Variants in DCDC2 observed in about 807,000 individuals in gnomAD.
DCDC2 encodes doublecortin domain containing 2.
In DCDC2, 40 loss-of-function variants were observed where a neutral mutation model predicts 50.2. That is an observed-to-expected ratio of 0.80 (90% CI 0.62 to 1.04). The LOEUF (loss-of-function observed/expected upper bound fraction) is 1.04, where lower values mean the gene tolerates loss of function less well. DCDC2 is among the 50% of genes least tolerant of loss of function. DCDC2 has a pLI of 0.00. For missense variants in DCDC2, 570 were observed against 581.9 expected (o/e 0.98, Z 0.21); for synonymous variants, 234 against 210.6 (o/e 1.11, Z -0.96).
intron 6 of DCDC2, among the ~76,000 whole-genome samples, chr6:24,279,915 G>A (rs186333045): frequency 5.6e-4 from 86 of 152,298 alleles, no homozygotes; most frequent in African/African-American, 1.7e-3. Context: ...TATGGTGTTT[G>A]TTTAATAAGT....
Position 24,224,040 on chromosome 6 carries a change from G to A in DCDC2, c.923-18938C>T, listed in dbSNP as rs1044149533. On this transcript the variant is annotated intron_variant, in intron 7 of 9. Coordinates refer to ENST00000378454, the MANE Select transcript of DCDC2 (RefSeq NM_016356.5). ...GATCAACTGCAGATGCCCACCAGGC[G>A]CACAGATTCCCGCCAACCCTCTCAA... Among the ~76,000 whole-genome samples the A allele has an allele frequency of 9.2e-5, 14 of 151,908 alleles. 1 individual carries two copies. Among genetic ancestry groups the A allele is most frequent in the East Asian group, 1.9e-4 (1 of 5,178 alleles).
chr6:24,250,196 C>G (rs1302524824), intron 7 of DCDC2, among the ~76,000 whole-genome samples: 1 of 152,138 alleles, frequency 6.6e-6, no homozygotes, highest in Non-Finnish European at 1.5e-5. Flanking sequence ...GCAAGAGCCT[C>G]CAGGCAAGTT....
chr6:24,276,216 T>C (rs1763354454), intron 7 of DCDC2, among the ~76,000 whole-genome samples: 1 of 152,286 alleles, frequency 6.6e-6, no homozygotes, highest in South Asian at 2.1e-4. Flanking sequence ...ACAAGGGATA[T>C]GTTAATACAG....
intron 2 of DCDC2, among the ~76,000 whole-genome samples, chr6:24,319,250 A>G (rs10456304): frequency 0.17 from 25,009 of 149,146 alleles, 2,146 homozygotes; most frequent in South Asian, 0.23. Flanking sequence ...ATGACTATGC[A>G]TGAATTTTTC....
chr6:24,189,350 G>A (rs1262940454), intron 8 of DCDC2, among the ~76,000 whole-genome samples: 1 of 152,030 alleles, frequency 6.6e-6, no homozygotes, highest in Non-Finnish European at 1.5e-5. Flanking sequence ...GAAAGAAGAT[G>A]GAATATGAAA....
chr6:24,213,091 G>A (rs1250471610), intron 7 of DCDC2, among the ~76,000 whole-genome samples: 1 of 152,030 alleles, frequency 6.6e-6, no homozygotes, highest in Non-Finnish European at 1.5e-5. Context: ...AAGATAATCA[G>A]AATTTAAGCC....
chr6:24,312,099 G>C (rs1759581081), intron 2 of DCDC2, among the ~76,000 whole-genome samples: 1 of 151,766 alleles, frequency 6.6e-6, no homozygotes, highest in African/African-American at 2.4e-5. Flanking sequence ...TGAGTCTCAG[G>C]AGCTCCCCAC....
In DCDC2 at chr6:24,179,988, G is replaced by C. The variant is rs192300373; in HGVS notation, c.1024-1356C>G. Reference sequence around the variant, plus strand: ...AAAAAAAAACAAGGGGTGGGGGAGGGAACAGGAGGCCAGCTTTCAGAGCCA... The same window carrying C: ...AAAAAAAAACAAGGGGTGGGGGAGGCAACAGGAGGCCAGCTTTCAGAGCCA... On this transcript the variant is annotated intron_variant, in intron 8 of 9. Coordinates refer to ENST00000378454, the MANE Select transcript of DCDC2 (RefSeq NM_016356.5). Among the ~76,000 whole-genome samples the C allele has an allele frequency of 3.4e-4, 51 of 150,996 alleles. 1 individual carries two copies. The highest frequency in any genetic ancestry group is 3.2e-3 in the Admixed American group (48 of 15,166).
intron 4 of DCDC2, among the ~76,000 whole-genome samples, chr6:24,291,796 T>C (rs1319251898): frequency 1.3e-5 from 2 of 152,178 alleles, no homozygotes; most frequent in Middle Eastern, 3.2e-3. Flanking sequence ...TGTTAATACT[T>C]TTAAATTTTA....
upstream of DCDC2, chr6:24,358,191 C>A (rs555807130): frequency 1.2e-4 from 45 of 375,770 alleles, 1 homozygote; most frequent in Middle Eastern, 7.3e-4. Flanking sequence ...CTGTGCTACC[C>A]TTTCCAAACA....
intron 7 of DCDC2, among the ~76,000 whole-genome samples, chr6:24,264,099 GA>G (rs1036041086): frequency 2.6e-5 from 4 of 151,002 alleles, no homozygotes; most frequent in East Asian, 1.9e-4. Flanking sequence ...TTAAAGTGAA[GA>G]AAAAAAAACT....
At chr6:24,250,908 A>T (rs1762781744) in intron 7 of DCDC2, among the ~76,000 whole-genome samples, 1 of 152,184 alleles carries the variant, frequency 6.6e-6, no homozygotes, top group South Asian at 2.1e-4. Flanking sequence ...ACAGATATTA[A>T]TTGCTCTGTG....
At chr6:24,371,191 C>T in the DCDC2 span, among the ~76,000 whole-genome samples, 10 of 144,614 alleles carry the variant, frequency 6.9e-5, no homozygotes, top group African/African-American at 1.8e-4. Flanking sequence ...GCGGGAGAAT[C>T]GTGTGAACCC....
At chr6:24,278,233 C>A (rs1204521103) in intron 6 of DCDC2, 22 bp from the exon 7 acceptor site, 1 of 1,575,516 alleles carries the variant, frequency 6.3e-7, no homozygotes. Context: ...AGTATTAGAC[C>A]CTTATTATTA....
At chr6:24,355,924 C>A (rs1457106909) in intron 1 of DCDC2, among the ~76,000 whole-genome samples, 2 of 151,946 alleles carry the variant, frequency 1.3e-5, no homozygotes, top group Non-Finnish European at 2.9e-5. Flanking sequence ...TATTAAGAAT[C>A]CAATAATGCT....
chr6:24,178,358 G>A lies in DCDC2; in HGVS notation c.1298C>T (p.Ser433Phe). 6.2e-7 allele frequency: 1 copy of A among 1,613,892 alleles called. No homozygotes were observed. The highest frequency in any genetic ancestry group is 8.5e-7 in the Non-Finnish European group (1 of 1,179,844). ...LQLVLDKERK[S>F]QGAGSGQDEA... ...ATCTTGTCCACTGCCAGCTCCTTGA[G>A]ACTTTCTTTCCTTGTCTAGGACCAG... The change falls in exon 9 of 10, where the codon TCT becomes TTT. Residue 433 changes from serine to phenylalanine, a missense_variant. By Grantham distance (155) the Ser-to-Phe change is radical (BLOSUM62 -2). Transcript: ENST00000378454.
At chr6:24,282,960 T>C (rs537441991) in intron 6 of DCDC2, among the ~76,000 whole-genome samples, 2 of 152,296 alleles carry the variant, frequency 1.3e-5, no homozygotes, top group South Asian at 2.1e-4. Flanking sequence ...ATTGTGATAC[T>C]TGAATAATAA....
rs761388263 is a variant in DCDC2 at position 24,178,491 on chromosome 6, C to T, written c.1165G>A (p.Glu389Lys). The T allele has an allele frequency of 2.2e-5, 36 of 1,614,048 alleles. No homozygotes were observed. The highest frequency in any genetic ancestry group is 1.6e-4 in the Middle Eastern group (1 of 6,084). Residue 389 changes from glutamate (E) to lysine (K), a missense_variant, in exon 9 of 10, where the codon GAG (glutamate) becomes AAG (lysine). Transcript: ENST00000378454. Reference protein sequence around the residue: ...REATDAPEQVEEILDHSEQQA... With the variant: ...REATDAPEQVKEILDHSEQQA... ...TGCTCACTGTGATCCAGAATCTCCTCGACTTGCTCAGGGGCATCTGTAGCC... is the reference window on the plus strand; with the variant it reads ...TGCTCACTGTGATCCAGAATCTCCTTGACTTGCTCAGGGGCATCTGTAGCC...
intron 7 of DCDC2, among the ~76,000 whole-genome samples, chr6:24,248,441 CA>C (rs1429663280): frequency 3.9e-5 from 6 of 152,148 alleles, no homozygotes; most frequent in Admixed American, 3.3e-4. Flanking sequence ...AATTATACAA[CA>C]TGCACAAAGA....
Sources: gnomAD v4.1 joint callset for allele counts (sites outside exome capture counted in the v4.1 genomes callset) on GRCh38, gnomAD v4.1.1 for gene constraint, MANE v1.5 for transcripts, NCBI Gene and HGNC (gene_info 2026-07-23, HGNC 2026-07-21) for gene names.